Variants in AR observed in about 807,000 individuals in gnomAD.
The protein encoded by AR is dihydrotestosterone receptor.
AR carries 8 observed loss-of-function variants against 53.9 expected under a neutral mutation model. That is an observed-to-expected ratio of 0.15 (90% CI 0.09 to 0.27). The LOEUF is 0.27. AR is among the 10% of genes least tolerant of loss of function. The pLI, the probability that AR is intolerant of heterozygous loss-of-function variation, is 1.00. For synonymous variants in AR, 359 were observed against 316.4 expected, an observed-to-expected ratio of 1.13 and a Z score of -1.43; for missense variants, 639 against 742.5, an observed-to-expected ratio of 0.86 and a Z score of 1.62.
chrX:67,723,716 G>A lies in AR; in HGVS notation c.2638G>A (p.Asp880Asn), dbSNP rs745599572. The change falls in exon 8 of 8, where the codon GAC becomes AAC. Residue 880 changes from aspartate to asparagine, a missense_variant. Transcript: ENST00000374690. ...IARELHQFTF[D>N]LLIKSHMVSV... ...GAGAGAGCTGCATCAGTTCACTTTT[G>A]ACCTGCTAATCAAGTCACACATGGT... The A allele has an allele frequency of 2.5e-6, 3 of 1,210,648 alleles. No individual in the cohort carries two copies. The highest frequency in any genetic ancestry group is 3.5e-5 in the South Asian group (2 of 56,874).
At chrX:67,712,894 C>A (rs573488242) in intron 4 of AR, among the ~76,000 whole-genome samples, 44 of 112,355 alleles carry the variant, frequency 3.9e-4, no homozygotes, top group African/African-American at 1.4e-3. Flanking sequence ...GTATGTATTA[C>A]CTGAATTGAT....
intron 3 of AR, among the ~76,000 whole-genome samples, chrX:67,688,639 G>A (rs746700816): frequency 8.9e-6 from 1 of 111,733 alleles, no homozygotes; most frequent in South Asian, 3.7e-4. Flanking sequence ...CTGTTCAGAA[G>A]CTAATTTTAG....
chrX:67,631,122 A>C (rs752998134), intron 1 of AR, among the ~76,000 whole-genome samples: 1 of 110,475 alleles, frequency 9.1e-6, no homozygotes, highest in South Asian at 3.9e-4. Flanking sequence ...TGTGTCTTGG[A>C]GTTGCTCTTC....
chrX:67,665,823 C>A (rs571428967), intron 2 of AR, among the ~76,000 whole-genome samples: 21 of 112,013 alleles, frequency 1.9e-4, no homozygotes, highest in African/African-American at 6.2e-4. Context: ...CCAGAGTTTG[C>A]TGACTCACAC....
chrX:67,671,377 T>G (rs2147477487), intron 2 of AR, among the ~76,000 whole-genome samples: 1 of 112,782 alleles, frequency 8.9e-6, no homozygotes, highest in African/African-American at 3.2e-5. Flanking sequence ...TTCATGTTTG[T>G]TGGCAGCATA....
intron 1 of AR, among the ~76,000 whole-genome samples, chrX:67,627,375 T>C (rs1435036942): frequency 8.9e-6 from 1 of 112,395 alleles, no homozygotes; most frequent in African/African-American, 3.2e-5. Context: ...ATTTCTCTGA[T>C]GGCCAGTGAT....
chrX:67,579,980 C>T (rs150506342), intron 1 of AR, among the ~76,000 whole-genome samples: 1 of 110,784 alleles, frequency 9.0e-6, no homozygotes, highest in East Asian at 2.9e-4. Flanking sequence ...CTCTTTCTCC[C>T]AGTTGGCACA....
chrX:67,636,620 C>T (rs994962012), intron 1 of AR, among the ~76,000 whole-genome samples: 1 of 111,858 alleles, frequency 8.9e-6, no homozygotes, highest in Non-Finnish European at 1.9e-5. Flanking sequence ...GCATGTGCCT[C>T]CTAGTACATA....
intron 3 of AR, among the ~76,000 whole-genome samples, chrX:67,708,218 G>A (rs893621654): frequency 9.0e-6 from 1 of 111,588 alleles, no homozygotes; most frequent in African/African-American, 3.3e-5. Flanking sequence ...GTTCTCCTGG[G>A]GAATATCCTG....
chrX:67,617,479 G>A (rs1026811180), intron 1 of AR, among the ~76,000 whole-genome samples: 1 of 111,369 alleles, frequency 9.0e-6, no homozygotes, highest in Non-Finnish European at 1.9e-5. Context: ...GAAGTGTTGT[G>A]CATATTGTTG....
intron 1 of AR, among the ~76,000 whole-genome samples, chrX:67,628,853 T>C (rs1924872975): frequency 8.9e-6 from 1 of 111,990 alleles, no homozygotes; most frequent in South Asian, 3.7e-4. Flanking sequence ...TGAAGCGTTA[T>C]TGAATTTTGT....
At chrX:67,632,356 A>C (rs937844704) in intron 1 of AR, among the ~76,000 whole-genome samples, 2 of 109,139 alleles carry the variant, frequency 1.8e-5, no homozygotes, top group Non-Finnish European at 3.8e-5. Context: ...CCGTTTTTTA[A>C]GCCCGTCAGA....
intron 1 of AR, among the ~76,000 whole-genome samples, chrX:67,611,373 A>G (rs1923873264): frequency 9.0e-6 from 1 of 111,393 alleles, no homozygotes; most frequent in Non-Finnish European, 1.9e-5. Flanking sequence ...CATGTGAACT[A>G]ACTGTTCCTG....
intron 1 of AR, among the ~76,000 whole-genome samples, chrX:67,623,076 G>T (rs1924452771): frequency 9.0e-6 from 1 of 111,323 alleles, no homozygotes. Context: ...ATGGGGACTA[G>T]TGTGTGTATA....
rs755453988 is a variant in AR, at chrX:67,698,299, T to C, written c.1885+12173T>C. On this transcript the variant is annotated intron_variant, in intron 3 of 7. Coordinates refer to ENST00000374690, the MANE Select transcript of AR (RefSeq NM_000044.6). Reference sequence around the variant, plus strand: ...GTCCCTTGACTCTAATCCTAGTAGATGGAAAGATGGCTGGCATGATTTAAG... The same window carrying C: ...GTCCCTTGACTCTAATCCTAGTAGACGGAAAGATGGCTGGCATGATTTAAG... 1.4e-4 allele frequency among the ~76,000 whole-genome samples: 16 copies of C among 112,375 alleles called. 1 individual carries two copies. In the South Asian group the frequency reaches 5.5e-3, roughly 39 times the overall value.
At chrX:67,654,975 G>T (rs1383649987) in intron 2 of AR, among the ~76,000 whole-genome samples, 1 of 102,919 alleles carries the variant, frequency 9.7e-6, no homozygotes, top group Non-Finnish European at 2.0e-5. Flanking sequence ...ACTTTGGTCT[G>T]GTCTATGACT....
chrX:67,607,925 G>T (rs1193377612), intron 1 of AR, among the ~76,000 whole-genome samples: 1 of 111,622 alleles, frequency 9.0e-6, no homozygotes, highest in South Asian at 3.8e-4. Flanking sequence ...CCAACTTTGC[G>T]CTCACATCTA....
At chrX:67,558,209 ATTC>A in intron 1 of AR, among the ~76,000 whole-genome samples, 1 of 112,328 alleles carries the variant, frequency 8.9e-6, no homozygotes, top group East Asian at 2.8e-4. Flanking sequence ...AAAAGTGAAA[ATTC>A]TTTGGTCCAT....
intron 2 of AR, among the ~76,000 whole-genome samples, chrX:67,666,459 T>C (rs1927267280): frequency 8.9e-6 from 1 of 112,128 alleles, no homozygotes; most frequent in African/African-American, 3.2e-5. Context: ...CATCCATTTG[T>C]CTGTTGATAG....
Sources: gnomAD v4.1 joint callset for allele counts (sites outside exome capture counted in the v4.1 genomes callset) on GRCh38, gnomAD v4.1.1 for gene constraint, MANE v1.5 for transcripts, NCBI Gene and HGNC (gene_info 2026-07-23, HGNC 2026-07-21) for gene names.